CHST15: variants seen among roughly 807,000 people sequenced by gnomAD.
CHST15 encodes the protein carbohydrate sulfotransferase 15, also known as B cell RAG associated protein (GALNAC4S-6ST).
CHST15 carries 30 observed loss-of-function variants against 53.6 expected under a neutral mutation model. The observed-to-expected ratio is 0.56, with a 90% CI of 0.42 to 0.76. The LOEUF (loss-of-function observed/expected upper bound fraction) is 0.76, where lower values mean the gene tolerates loss of function less well. Ranked by LOEUF, CHST15 falls within the 30% of genes least tolerant of loss-of-function variation. CHST15 has a pLI of 0.00. For missense variants in CHST15, 627 were observed against 740.5 expected, an observed-to-expected ratio of 0.85 and a Z score of 1.78; for synonymous variants, 296 against 289.8, an observed-to-expected ratio of 1.02 and a Z score of -0.22.
rs772303847 is a variant in CHST15 at position 124,089,251 on chromosome 10, T to C, written c.-513+4218A>G. 2.0e-5 allele frequency among the ~76,000 whole-genome samples: 3 copies of C among 152,354 alleles called. 1 individual carries two copies. In the East Asian group the frequency reaches 5.8e-4, roughly 29 times the overall value. On this transcript the variant is annotated intron_variant, in intron 1 of 7. Coordinates refer to ENST00000435907, the MANE Select transcript of CHST15 (RefSeq NM_001270764.2). ...CACAAGCTGCTAAAGAGAAGTCCGC[T>C]GGCTGATTGCTCAGATCAATGACAC... is the stretch of plus-strand genomic sequence containing the variant.
chr10:124,049,549 G>A (rs1183972916), intron 1 of CHST15, among the ~76,000 whole-genome samples: 2 of 152,180 alleles, frequency 1.3e-5, no homozygotes, highest in Non-Finnish European at 2.9e-5. Flanking sequence ...CCTTTGTAAT[G>A]GAACCGCCAT....
At chr10:124,089,319 G>T (rs1949532145) in intron 1 of CHST15, among the ~76,000 whole-genome samples, 1 of 152,198 alleles carries the variant, frequency 6.6e-6, no homozygotes, top group Non-Finnish European at 1.5e-5. Context: ...TCTGCTTTTA[G>T]AATTTAGACG....
chr10:124,032,275 CTCA>C (rs1947253881), intron 5 of CHST15, among the ~76,000 whole-genome samples: 1 of 152,208 alleles, frequency 6.6e-6, no homozygotes, highest in Non-Finnish European at 1.5e-5. Context: ...TCCCTTTGGA[CTCA>C]TCATCACAGA....
At chr10:124,055,239 T>C (rs1357905714) in intron 1 of CHST15, among the ~76,000 whole-genome samples, 2 of 152,234 alleles carry the variant, frequency 1.3e-5, no homozygotes, top group Admixed American at 6.5e-5. Context: ...CACTCTCTCG[T>C]GAAGATTCCT....
intron 5 of CHST15, among the ~76,000 whole-genome samples, chr10:124,023,500 G>A (rs1376849170): frequency 2.8e-5 from 4 of 143,322 alleles, no homozygotes; most frequent in African/African-American, 7.8e-5. Context: ...AAAAAAAAAA[G>A]AGGTGTTTTT....
At chr10:124,045,143 A>AAAC (rs1275604809) in intron 2 of CHST15, among the ~76,000 whole-genome samples, 1 of 146,580 alleles carries the variant, frequency 6.8e-6, no homozygotes, top group South Asian at 2.1e-4. Flanking sequence ...AAAAAAAAAA[A>AAAC]ACTTGGAGAG....
intron 5 of CHST15, 101 bp from the exon 6 acceptor site, chr10:124,021,513 C>T: frequency 2.0e-6 from 3 of 1,511,568 alleles, no homozygotes; most frequent in Non-Finnish European, 2.7e-6. Context: ...ATCTAGTTTT[C>T]CTGATTGAAG....
intron 2 of CHST15, among the ~76,000 whole-genome samples, chr10:124,045,377 C>T (rs1004735739): frequency 6.6e-6 from 1 of 152,158 alleles, no homozygotes; most frequent in Admixed American, 6.5e-5. Flanking sequence ...TTAACTACCA[C>T]GACCACATAT....
intron 1 of CHST15, among the ~76,000 whole-genome samples, chr10:124,091,079 T>C (rs1331495187): frequency 1.3e-5 from 2 of 152,246 alleles, no homozygotes; most frequent in African/African-American, 2.4e-5. Flanking sequence ...TCACCAGCTC[T>C]GTGTGCCCAT....
intron 1 of CHST15, among the ~76,000 whole-genome samples, chr10:124,055,931 C>G (rs1351914351): frequency 6.6e-6 from 1 of 152,198 alleles, no homozygotes; most frequent in South Asian, 2.1e-4. Flanking sequence ...GGTGGGTACA[C>G]TCAGACCCAG....
At chr10:124,058,782 A>G (rs1314306247) in intron 1 of CHST15, among the ~76,000 whole-genome samples, 1 of 152,248 alleles carries the variant, frequency 6.6e-6, no homozygotes, top group Non-Finnish European at 1.5e-5. Context: ...TCCAGAAAGC[A>G]TGGCAAATAT....
intron 6 of CHST15, 54 bp from the exon 7 acceptor site, chr10:124,012,534 G>A: frequency 6.4e-7 from 1 of 1,559,720 alleles, no homozygotes; most frequent in Non-Finnish European, 8.7e-7. Context: ...CAACACCATA[G>A]GGCACTTTTC....
At chr10:124,033,321 G>A (rs1338926259) in intron 5 of CHST15, among the ~76,000 whole-genome samples, 1 of 152,228 alleles carries the variant, frequency 6.6e-6, no homozygotes, top group Non-Finnish European at 1.5e-5. Context: ...CAGAAAATAT[G>A]CACATAAACA....
At chr10:124,035,046 C>T (rs1162921192) in intron 5 of CHST15, among the ~76,000 whole-genome samples, 1 of 145,118 alleles carries the variant, frequency 6.9e-6, no homozygotes, top group Non-Finnish European at 1.5e-5. Context: ...TGGCTCTACC[C>T]CTGATAGGTA....
intron 1 of CHST15, among the ~76,000 whole-genome samples, chr10:124,051,004 C>G (rs539776149): frequency 8.5e-5 from 13 of 152,250 alleles, no homozygotes; most frequent in Non-Finnish European, 1.8e-4. Context: ...AGTGTAGCAG[C>G]ACGATCTTGG....
chr10:124,029,473 T>G (rs1449218697), intron 5 of CHST15, among the ~76,000 whole-genome samples: 1 of 152,118 alleles, frequency 6.6e-6, no homozygotes, highest in Non-Finnish European at 1.5e-5. Context: ...TGTGCACGAG[T>G]GGGGTTCCCA....
chr10:124,032,464 T>C (rs1947260012), intron 5 of CHST15, among the ~76,000 whole-genome samples: 1 of 152,186 alleles, frequency 6.6e-6, no homozygotes, highest in African/African-American at 2.4e-5. Flanking sequence ...TGCCAGCACC[T>C]TCCACGCATT....
At chr10:124,064,982 CAA>C (rs35583171) in intron 1 of CHST15, among the ~76,000 whole-genome samples, 1 of 151,776 alleles carries the variant, frequency 6.6e-6, no homozygotes, top group African/African-American at 2.4e-5. Flanking sequence ...TTCGCTTTTA[CAA>C]AAAAAAGTCC....
intron 1 of CHST15, among the ~76,000 whole-genome samples, chr10:124,054,036 G>C (rs1482403622): frequency 6.6e-6 from 1 of 152,194 alleles, no homozygotes; most frequent in Non-Finnish European, 1.5e-5. Flanking sequence ...ATGTGTTTAT[G>C]ACAACCACAG....
Sources: gnomAD v4.1 joint callset for allele counts (sites outside exome capture counted in the v4.1 genomes callset) on GRCh38, gnomAD v4.1.1 for gene constraint, MANE v1.5 for transcripts, NCBI Gene and HGNC (gene_info 2026-07-23, HGNC 2026-07-21) for gene names.